Variants in GNG7 observed in about 807,000 individuals in gnomAD.
GNG7 encodes guanine nucleotide-binding protein G(I)/G(S)/G(O) subunit gamma-7.
GNG7 carries 1 observed loss-of-function variant against 4.0 expected under a neutral mutation model. The ratio of observed to expected loss-of-function variants is 0.25; its 90% CI spans 0.09 to 1.18. The LOEUF is 1.18. Ranked by LOEUF, GNG7 falls within the 50% of genes most tolerant of loss-of-function variation. The pLI is 0.50. For synonymous variants in GNG7, 34 were observed against 36.9 expected, an observed-to-expected ratio of 0.92 and a Z score of 0.29; for missense variants, 86 against 91.9, an observed-to-expected ratio of 0.94 and a Z score of 0.26.
chr19:2,546,307 C>T lies in GNG7; in HGVS notation c.-38+8842G>A, dbSNP rs933949360. ...CCCAGCGTGGGCACCCACCCTGCAC[C>T]TGCAGCCTCTCCAGGGCCAGGTCGC... On this transcript the variant is annotated intron_variant, in intron 3 of 4. Transcript: ENST00000382159. The surrounding 1 kb of genome is among the most constrained non-coding windows in gnomAD (Gnocchi z 6.3). Among the ~76,000 whole-genome samples, 8 of 152,270 alleles carry T rather than the reference C, an allele frequency of 5.3e-5. No homozygotes were observed. The highest frequency in any genetic ancestry group is 1.9e-4 in the African/African-American group (8 of 41,476).
intron 2 of GNG7, among the ~76,000 whole-genome samples, chr19:2,582,897 G>A (rs921366300): frequency 1.8e-4 from 27 of 152,040 alleles, no homozygotes; most frequent in Admixed American, 3.9e-4. Flanking sequence ...TCGATCTCTT[G>A]ACCTCAGGTG....
chr19:2,644,325 CTT>C (rs1188146646), intron 2 of GNG7, among the ~76,000 whole-genome samples: 3 of 54,870 alleles, frequency 5.5e-5, no homozygotes, highest in African/African-American at 1.4e-4. Context: ...CCGGCCTACA[CTT>C]TATATATATA....
At chr19:2,676,667 C>G (rs61107115) in intron 1 of GNG7, among the ~76,000 whole-genome samples, 43,302 of 151,966 alleles carry the variant, frequency 0.28, 6,709 homozygotes, top group East Asian at 0.55. Context: ...CCTCCCGCCT[C>G]GGCCTCCCAT....
chr19:2,544,386 C>T (rs1027859660), intron 3 of GNG7, among the ~76,000 whole-genome samples: 1 of 152,128 alleles, frequency 6.6e-6, no homozygotes, highest in Non-Finnish European at 1.5e-5. Context: ...TGAGCACCCC[C>T]GGGAGCCATG....
chr19:2,560,147 G>A (rs894064367), intron 2 of GNG7, among the ~76,000 whole-genome samples: 1 of 152,168 alleles, frequency 6.6e-6, no homozygotes, highest in Non-Finnish European at 1.5e-5. Context: ...CCAAGGATAA[G>A]AGGGAAAGTA....
intron 3 of GNG7, among the ~76,000 whole-genome samples, chr19:2,553,503 T>C (rs1253472233): frequency 7.1e-6 from 1 of 140,710 alleles, no homozygotes; most frequent in Non-Finnish European, 1.5e-5. Flanking sequence ...TATATGTACA[T>C]CTCATTACAT....
chr19:2,531,770 CA>C (rs57772201), intron 3 of GNG7, among the ~76,000 whole-genome samples: 6,505 of 128,162 alleles, frequency 0.051, 464 homozygotes, highest in African/African-American at 0.17. Flanking sequence ...GACTCCGTCC[CA>C]AAAAAAAAAA....
chr19:2,518,115 C>A (rs1006661419), intron 4 of GNG7, among the ~76,000 whole-genome samples: 4 of 152,212 alleles, frequency 2.6e-5, no homozygotes, highest in Non-Finnish European at 2.9e-5. Context: ...ACCCCCCATG[C>A]CCACTGCGCT....
intron 2 of GNG7, among the ~76,000 whole-genome samples, chr19:2,574,610 C>T (rs8101145): frequency 0.069 from 10,461 of 152,250 alleles, 1,162 homozygotes; most frequent in African/African-American, 0.24. Flanking sequence ...TTGGACCATG[C>T]TGTGTTTATC....
chr19:2,658,368 A>C (rs61455050), intron 1 of GNG7, among the ~76,000 whole-genome samples: 27,859 of 151,958 alleles, frequency 0.18, 3,197 homozygotes, highest in East Asian at 0.53. Context: ...TTTTTACAAC[A>C]CTTTTAAAAT....
At position 2,511,802 on chromosome 19, in the gene GNG7, C is replaced by A. The variant is rs1357599553; in HGVS notation, c.*3220G>T. 1 of 986,176 alleles carries A rather than the reference C, an allele frequency of 1.0e-6. No homozygotes were observed. The highest frequency in any genetic ancestry group is 1.1e-4 in the East Asian group (1 of 8,828). The allele number at this position is 986,176 out of a possible 1,614,324, so 61.1% of individuals were successfully genotyped here. ...CCGCCCCGTTTATGTCCCCAGAGGC[C>A]AGAGGTCGCAGCTGAGCTATCTGTG... On this transcript the variant is annotated 3_prime_UTR_variant, in exon 5 of 5. Coordinates refer to ENST00000382159, the MANE Select transcript of GNG7 (RefSeq NM_052847.3). The surrounding 1 kb of genome is among the most constrained non-coding windows in gnomAD (Gnocchi z 6.3).
intron 2 of GNG7, among the ~76,000 whole-genome samples, chr19:2,576,952 G>A (rs576973201): frequency 5.0e-4 from 76 of 152,358 alleles, no homozygotes; most frequent in African/African-American, 1.7e-3. Context: ...CCAAAGTGCC[G>A]GGATTACAGG....
chr19:2,539,820 G>A lies in GNG7; in HGVS notation c.-38+15329C>T, dbSNP rs541592966. On this transcript the variant is annotated intron_variant, in intron 3 of 4. Coordinates refer to ENST00000382159, the MANE Select transcript of GNG7 (RefSeq NM_052847.3). The stretch of plus-strand genomic sequence containing the variant: ...TTCTGCATTCTAAATACACACCATC[G>A]CAGGAACTCACACCTCTCCTTTCTC... Among the ~76,000 whole-genome samples the A allele has an allele frequency of 3.8e-5, 5 of 130,008 alleles. 1 individual carries two copies. Among genetic ancestry groups the A allele is most frequent in the Admixed American group, 1.6e-4 (2 of 12,642 alleles). 85.3% of individuals were successfully genotyped at this position (130,008 alleles called of 152,430 possible). A position where few individuals can be genotyped will look rare whatever the true frequency, so the allele number is the denominator to read the frequency against.
At chr19:2,559,447 G>A (rs1187873674) in intron 2 of GNG7, among the ~76,000 whole-genome samples, 1 of 151,370 alleles carries the variant, frequency 6.6e-6, no homozygotes, top group African/African-American at 2.4e-5. Flanking sequence ...AGTCTCCTGG[G>A]CTCAAGTGAT....
chr19:2,636,824 G>C (rs1332749483), intron 2 of GNG7, among the ~76,000 whole-genome samples: 1 of 152,050 alleles, frequency 6.6e-6, no homozygotes, highest in Non-Finnish European at 1.5e-5. Flanking sequence ...CTTAAAGAGG[G>C]GCTCGGGGGT....
intron 2 of GNG7, among the ~76,000 whole-genome samples, chr19:2,590,864 T>C (rs111500809): frequency 0.078 from 11,473 of 148,032 alleles, 1,067 homozygotes; most frequent in East Asian, 0.36. Context: ...CACCCATCCA[T>C]TCACCCATCC....
At chr19:2,568,538 CACAT>C (rs1219645494) in intron 2 of GNG7, among the ~76,000 whole-genome samples, 1 of 149,954 alleles carries the variant, frequency 6.7e-6, no homozygotes, top group Non-Finnish European at 1.5e-5. Context: ...CACATATACA[CACAT>C]ACACATATAT....
intron 4 of GNG7, chr19:2,516,798 G>A (rs1054218488): frequency 6.6e-6 from 1 of 152,364 alleles, no homozygotes; most frequent in Non-Finnish European, 1.5e-5. Context: ...ACCCCCTGAT[G>A]ACTCCAACCC....
At chr19:2,673,557 G>A (rs1169099284) in intron 1 of GNG7, among the ~76,000 whole-genome samples, 2 of 151,956 alleles carry the variant, frequency 1.3e-5, no homozygotes, top group Non-Finnish European at 2.9e-5. Context: ...GCCGTGCAGG[G>A]TGGCAGGCAC....
Sources: gnomAD v4.1 joint callset for allele counts (sites outside exome capture counted in the v4.1 genomes callset) on GRCh38, gnomAD v4.1.1 for gene constraint, Gnocchi (gnomAD v3.1) non-coding constraint, MANE v1.5 for transcripts, NCBI Gene and HGNC (gene_info 2026-07-23, HGNC 2026-07-21) for gene names.